RPH3AL: variants seen among roughly 807,000 people sequenced by gnomAD.
RPH3AL encodes the protein rab effector Noc2.
RPH3AL carries 38 observed loss-of-function variants against 43.1 expected under a neutral mutation model. That is an observed-to-expected ratio of 0.88 (90% CI 0.68 to 1.15). The LOEUF (loss-of-function observed/expected upper bound fraction) is 1.15. RPH3AL is among the 50% of genes most tolerant of loss of function. The pLI, the probability that RPH3AL is intolerant of heterozygous loss-of-function variation, is 0.00. For missense variants in RPH3AL, 462 were observed against 423.2 expected, an observed-to-expected ratio of 1.09 and a Z score of -0.81; for synonymous variants, 189 against 176.3, an observed-to-expected ratio of 1.07 and a Z score of -0.57.
intron 6 of RPH3AL, among the ~76,000 whole-genome samples, chr17:252,124 G>A (rs536312650): frequency 5.2e-4 from 79 of 151,822 alleles, no homozygotes; most frequent in African/African-American, 1.8e-3. Flanking sequence ...GGTGGTGTGC[G>A]CCAATACACC....
At chr17:217,061 C>T (rs1270209852) in intron 8 of RPH3AL, among the ~76,000 whole-genome samples, 2 of 147,464 alleles carry the variant, frequency 1.4e-5, no homozygotes, top group East Asian at 2.1e-4. Flanking sequence ...ATTTCATTCC[C>T]ATCTGGGGCA....
At chr17:242,591 A>ACCTTCCTCTATTGATTAC (rs2041581920) in intron 7 of RPH3AL, among the ~76,000 whole-genome samples, 1 of 124,904 alleles carries the variant, frequency 8.0e-6, no homozygotes, top group Admixed American at 7.9e-5. Context: ...TCTATTGACT[A>ACCTTCCTCTATTGATTAC]CCTTCCTCTA....
chr17:314,487 GTAGT>G (rs2043796068), intron 5 of RPH3AL, among the ~76,000 whole-genome samples: 2 of 135,216 alleles, frequency 1.5e-5, no homozygotes, highest in Admixed American at 1.5e-4. Flanking sequence ...CCATTGACCT[GTAGT>G]CCCTATACTC....
chr17:306,153 GCCCGACTTCCCCAGC>G (rs1285430129), intron 5 of RPH3AL, among the ~76,000 whole-genome samples: 2 of 150,178 alleles, frequency 1.3e-5, no homozygotes, highest in Non-Finnish European at 3.0e-5. Flanking sequence ...GAGCCACTGC[GCCCGACTTCCCCAGC>G]CCCTTTCTGA....
intron 6 of RPH3AL, among the ~76,000 whole-genome samples, chr17:268,458 A>C (rs2042371804): frequency 6.6e-6 from 1 of 151,600 alleles, no homozygotes; most frequent in African/African-American, 2.4e-5. Context: ...TGTTAACTGA[A>C]TGTTTTTTAT....
At chr17:300,083 GC>G in intron 5 of RPH3AL, among the ~76,000 whole-genome samples, 1 of 40,838 alleles carries the variant, frequency 2.4e-5, no homozygotes, top group African/African-American at 9.7e-5. Context: ...ACCCACTCTA[GC>G]AGGGGCTGGC....
At position 213,642 on chromosome 17, in the gene RPH3AL, G is replaced by A. The variant is rs541901105; in HGVS notation, c.*210C>T. On this transcript the variant is annotated 3_prime_UTR_variant, in exon 10 of 10. Transcript: ENST00000331302. ...ATAAGGTCGGGGGCTGAGGGCAGTGGTTGGAGGGGGTGGCGGATGCAGACA... is the reference window on the plus strand; with the variant it reads ...ATAAGGTCGGGGGCTGAGGGCAGTGATTGGAGGGGGTGGCGGATGCAGACA... 6.0e-4 allele frequency: 361 copies of A among 604,042 alleles called. 1 individual carries two copies. The highest frequency in any genetic ancestry group is 9.8e-4 in the Non-Finnish European group (329 of 336,530). The allele number at this position is 604,042 out of a possible 1,614,324, so 37.4% of individuals were successfully genotyped here.
rs1029893298 is a variant in RPH3AL, at chr17:274,326, G to A, written c.438+7442C>T. Among the ~76,000 whole-genome samples the A allele has an allele frequency of 2.0e-5, 3 of 152,222 alleles. No homozygotes were observed. Among genetic ancestry groups the A allele is most frequent in the East Asian group, 1.9e-4 (1 of 5,176 alleles). On this transcript the variant is annotated intron_variant, in intron 6 of 9. Coordinates refer to ENST00000331302, the MANE Select transcript of RPH3AL (RefSeq NM_006987.4). The surrounding 1 kb of genome is among the most constrained non-coding windows in gnomAD (Gnocchi z 4.7). Reference sequence around the variant, plus strand: ...GCGTGCCATGGACCACCTGGGCCTCGCCTGCCCACCTGGGCCTCGCCTGCC... The same window carrying A: ...GCGTGCCATGGACCACCTGGGCCTCACCTGCCCACCTGGGCCTCGCCTGCC...
intron 7 of RPH3AL, among the ~76,000 whole-genome samples, chr17:235,952 G>T (rs1039713800): frequency 2.5e-3 from 252 of 99,996 alleles, no homozygotes; most frequent in Middle Eastern, 9.8e-3. Flanking sequence ...GACAGATCCA[G>T]GGTTCAAAGC....
At chr17:250,298 G>GACCA (rs2041867578) in intron 6 of RPH3AL, among the ~76,000 whole-genome samples, 1 of 101,100 alleles carries the variant, frequency 9.9e-6, no homozygotes, top group African/African-American at 3.9e-5. Flanking sequence ...AAGCTCCGTT[G>GACCA]CTGCGGGACC....
chr17:249,373 A>G (rs931261693), intron 6 of RPH3AL, among the ~76,000 whole-genome samples: 1 of 152,074 alleles, frequency 6.6e-6, no homozygotes, highest in Non-Finnish European at 1.5e-5. Context: ...AGGCAAACAC[A>G]GGAGCAGGGC....
intron 6 of RPH3AL, among the ~76,000 whole-genome samples, chr17:257,251 G>A (rs868928563): frequency 6.7e-4 from 16 of 23,716 alleles, no homozygotes; most frequent in African/African-American, 1.6e-3. Context: ...TACTTCCTAT[G>A]AGGGGAGCCG....
At chr17:236,886 C>T (rs908007707) in intron 7 of RPH3AL, among the ~76,000 whole-genome samples, 9 of 151,924 alleles carry the variant, frequency 5.9e-5, no homozygotes, top group Middle Eastern at 3.4e-3. Context: ...TTTTGGAAGC[C>T]GGGATCCTGG....
rs773006115 is a variant in RPH3AL at position 321,313 on chromosome 17, C to G, written c.180G>C (p.Gln60His). 1.9e-5 allele frequency: 31 copies of G among 1,611,018 alleles called. 1 individual carries two copies. The South Asian group carries it at 3.2e-4, about 17-fold the overall frequency. ...AEVEAILQVI[Q>H]RAERLDVLEQ... is the part of the protein sequence containing the mutation. Reference sequence around the variant, plus strand: ...CCAGGACGTCGAGCCGCTCTGCCCTCTGGATGACCTGCAGGATGGCCTCCA... The same window carrying G: ...CCAGGACGTCGAGCCGCTCTGCCCTGTGGATGACCTGCAGGATGGCCTCCA... The change falls in exon 4 of 10, where the codon CAG (glutamine) becomes CAC (histidine). Residue 60 changes from glutamine to histidine, a missense_variant. Transcript: ENST00000331302.
At chr17:231,367 G>C (rs2041226866) in intron 7 of RPH3AL, among the ~76,000 whole-genome samples, 1 of 152,182 alleles carries the variant, frequency 6.6e-6, no homozygotes, top group Admixed American at 6.5e-5. Context: ...CCAAGGTAGG[G>C]AGGCCTGCCT....
chr17:251,880 A>G (rs1321119422), intron 6 of RPH3AL, among the ~76,000 whole-genome samples: 1 of 152,108 alleles, frequency 6.6e-6, no homozygotes, highest in Non-Finnish European at 1.5e-5. Flanking sequence ...GCAGACCCCT[A>G]AGAACCATCT....
intron 6 of RPH3AL, among the ~76,000 whole-genome samples, chr17:259,215 T>C (rs2042143398): frequency 6.6e-6 from 1 of 152,118 alleles, no homozygotes; most frequent in African/African-American, 2.4e-5. Flanking sequence ...GGAGCAGCAG[T>C]TCCTAAGTCC....
intron 6 of RPH3AL, among the ~76,000 whole-genome samples, chr17:265,150 G>A (rs8075999): frequency 0.047 from 7,164 of 152,148 alleles, 442 homozygotes; most frequent in African/African-American, 0.14. Flanking sequence ...GTAGTGGTGC[G>A]GTCTCAGCTC....
chr17:323,012 A>C lies in RPH3AL; in HGVS notation c.78-1597T>G, dbSNP rs751528598. Among the ~76,000 whole-genome samples the C allele has an allele frequency of 1.3e-5, 2 of 152,124 alleles. No individual in the cohort carries two copies. Among genetic ancestry groups the C allele is most frequent in the Non-Finnish European group, 2.9e-5 (2 of 68,040 alleles). ...GAGAATTAATGAGGCAGGGTAGATA[A>C]GGTGCTTTTACATAGCAAATTCCCA... On this transcript the variant is annotated intron_variant, in intron 3 of 9. Coordinates refer to ENST00000331302, the MANE Select transcript of RPH3AL (RefSeq NM_006987.4). This position sits in a 1 kb window ranked among gnomAD's most constrained non-coding sequence, Gnocchi z 4.4.
Sources: allele counts gnomAD v4.1 joint callset (sites outside exome capture counted in the v4.1 genomes callset), GRCh38; gene constraint gnomAD v4.1.1; non-coding constraint Gnocchi (gnomAD v3.1); transcripts MANE v1.5; gene names NCBI Gene and HGNC (gene_info 2026-07-23, HGNC 2026-07-21).